Variants in PTPRD observed in about 807,000 individuals in gnomAD.
PTPRD encodes receptor-type tyrosine-protein phosphatase delta.
A neutral mutation model predicts 214.5 loss-of-function variants in PTPRD; 34 were observed. The ratio of observed to expected loss-of-function variants is 0.16; its 90% CI spans 0.12 to 0.21. The LOEUF is 0.21. PTPRD is among the 10% of genes least tolerant of loss of function. The pLI is 1.00. For missense variants in PTPRD, 2,545 were observed against 2,398.7 expected, an observed-to-expected ratio of 1.06 and a Z score of -1.27; for synonymous variants, 1,128 against 845.7, an observed-to-expected ratio of 1.33 and a Z score of -5.79.
chr9:9,443,216 T>C (rs2088931404), intron 8 of PTPRD, among the ~76,000 whole-genome samples: 1 of 151,928 alleles, frequency 6.6e-6, no homozygotes, highest in Non-Finnish European at 1.5e-5. Flanking sequence ...TTATGTGAGC[T>C]AATTATACCT....
intron 6 of PTPRD, among the ~76,000 whole-genome samples, chr9:9,750,070 T>A (rs1456770232): frequency 1.3e-5 from 2 of 152,168 alleles, no homozygotes; most frequent in African/African-American, 4.8e-5. Context: ...TTTTATATGA[T>A]TAATGTAAAG....
chr9:9,385,616 G>C (rs2063632430), intron 9 of PTPRD, among the ~76,000 whole-genome samples: 1 of 152,154 alleles, frequency 6.6e-6, no homozygotes, highest in Non-Finnish European at 1.5e-5. Flanking sequence ...GCATGCTTGT[G>C]TGGATGCCCA....
At chr9:9,651,480 C>A (rs957647583) in intron 7 of PTPRD, among the ~76,000 whole-genome samples, 1 of 152,014 alleles carries the variant, frequency 6.6e-6, no homozygotes, top group African/African-American at 2.4e-5. Flanking sequence ...CACTTGCAAG[C>A]GAGAACATGT....
At chr9:10,181,942 T>TAAAAAAAAAAA (rs3075573) in intron 3 of PTPRD, among the ~76,000 whole-genome samples, 6 of 38,514 alleles carry the variant, frequency 1.6e-4, no homozygotes, top group Admixed American at 3.1e-4. Context: ...TCATAAATAC[T>TAAAAAAAAAAA]AAAAAAAAAA....
rs1283384952 is a variant in PTPRD, at chr9:8,920,589, CA to C, written c.-104+98107del. 5.3e-5 allele frequency among the ~76,000 whole-genome samples: 8 copies of C among 152,074 alleles called. No homozygotes were observed. The East Asian group carries it at 1.6e-3, about 30-fold the overall frequency. On this transcript the variant is annotated intron_variant, in intron 11 of 45. Coordinates refer to ENST00000381196, the MANE Select transcript of PTPRD (RefSeq NM_002839.4). ...ACTAATGATAGCTGATGAGCTAAAA[CA>C]AAAAATTGCAAAAAAATCTCATAAT... is the stretch of plus-strand genomic sequence containing the variant.
chr9:9,557,820 G>T lies in PTPRD; in HGVS notation c.-237+16912C>A, dbSNP rs1417797085. Among the ~76,000 whole-genome samples, 4 of 152,194 alleles carry T rather than the reference G, an allele frequency of 2.6e-5. No individual in the cohort carries two copies. The South Asian group carries it at 8.3e-4, about 32-fold the overall frequency. ...GAGTCCTGGTCCAGCCCATGCTGAA[G>T]TCTGAGGGGAGTGGGTGGATGGGCA... On this transcript the variant is annotated intron_variant, in intron 8 of 45. Transcript: ENST00000381196.
chr9:8,562,418 T>G (rs769813840), intron 14 of PTPRD, among the ~76,000 whole-genome samples: 16 of 146,962 alleles, frequency 1.1e-4, no homozygotes, highest in Non-Finnish European at 1.9e-4. Context: ...TCATAATAAT[T>G]TATTTATTTA....
At chr9:9,309,962 T>C (rs1056443251) in intron 9 of PTPRD, among the ~76,000 whole-genome samples, 1 of 152,166 alleles carries the variant, frequency 6.6e-6, no homozygotes, top group Non-Finnish European at 1.5e-5. Context: ...TTTTTTTCCC[T>C]TACATAGGAT....
chr9:9,839,945 A>T (rs1029643537), intron 5 of PTPRD, among the ~76,000 whole-genome samples: 8 of 152,142 alleles, frequency 5.3e-5, no homozygotes, highest in Non-Finnish European at 8.8e-5. Flanking sequence ...GAAAATTTGT[A>T]TATATAAATA....
chr9:9,889,787 G>C (rs182234048), intron 5 of PTPRD, among the ~76,000 whole-genome samples: 34 of 148,960 alleles, frequency 2.3e-4, no homozygotes, highest in Non-Finnish European at 4.3e-4. Context: ...AGTTCCTGCT[G>C]AGTGTGTGTG....
At chr9:10,148,241 C>A (rs1592396091) in intron 3 of PTPRD, among the ~76,000 whole-genome samples, 1 of 152,200 alleles carries the variant, frequency 6.6e-6, no homozygotes, top group African/African-American at 2.4e-5. Context: ...GCAACACTCA[C>A]AGATTGTGTA....
intron 5 of PTPRD, among the ~76,000 whole-genome samples, chr9:9,884,016 C>T (rs1259887074): frequency 1.8e-4 from 28 of 152,004 alleles, no homozygotes; most frequent in Admixed American, 1.8e-3. Context: ...TCCCTTAGTA[C>T]ATATTTATTT....
rs1411868407 is a variant in PTPRD, at chr9:8,637,342, A to C, written c.65-498T>G. Among the ~76,000 whole-genome samples the C allele has an allele frequency of 4.0e-4, 61 of 152,188 alleles. 2 individuals are homozygous for C. Among genetic ancestry groups the C allele is most frequent in the Admixed American group, 3.9e-3 (60 of 15,266 alleles). On this transcript the variant is annotated intron_variant, in intron 12 of 45. Transcript: ENST00000381196. ...ACAAGAAATATCGCCCTGAATTAGA[A>C]GGTTTCGCAAGAAATAGAAATAGGG... is the stretch of plus-strand genomic sequence containing the variant.
intron 7 of PTPRD, among the ~76,000 whole-genome samples, chr9:9,720,862 G>C (rs1367734279): frequency 2.0e-5 from 3 of 152,150 alleles, no homozygotes; most frequent in South Asian, 2.1e-4. Flanking sequence ...TGGAGTGGAG[G>C]ATGTTATCCT....
At chr9:9,902,470 T>A (rs2076631649) in intron 5 of PTPRD, among the ~76,000 whole-genome samples, 1 of 152,192 alleles carries the variant, frequency 6.6e-6, no homozygotes. Flanking sequence ...GCAAGAGTCA[T>A]ACATCTGAAG....
At chr9:9,401,400 C>G (rs899092583) in intron 8 of PTPRD, among the ~76,000 whole-genome samples, 4 of 151,954 alleles carry the variant, frequency 2.6e-5, no homozygotes, top group Non-Finnish European at 1.5e-5. Context: ...ACCAAAACTC[C>G]AGTCCTTATT....
At chr9:9,368,560 G>A (rs995636604) in intron 9 of PTPRD, among the ~76,000 whole-genome samples, 1 of 151,758 alleles carries the variant, frequency 6.6e-6, no homozygotes, top group African/African-American at 2.4e-5. Flanking sequence ...GCTAGGTTGA[G>A]GCAATAAAGA....
At chr9:9,695,394 T>G (rs950867323) in intron 7 of PTPRD, among the ~76,000 whole-genome samples, 2 of 152,132 alleles carry the variant, frequency 1.3e-5, no homozygotes, top group South Asian at 4.1e-4. Context: ...ATGAGCTGGG[T>G]TGCCTGAAGT....
At chr9:10,331,878 G>A (rs780497199) in intron 3 of PTPRD, among the ~76,000 whole-genome samples, 2 of 151,776 alleles carry the variant, frequency 1.3e-5, no homozygotes, top group Non-Finnish European at 2.9e-5. Context: ...TGTTCAATAA[G>A]GTATGTGGTC....
Sources: allele counts gnomAD v4.1 joint callset (sites outside exome capture counted in the v4.1 genomes callset), GRCh38; gene constraint gnomAD v4.1.1; transcripts MANE v1.5; gene names NCBI Gene and HGNC (gene_info 2026-07-23, HGNC 2026-07-21).